PLD6: variants seen among roughly 807,000 people sequenced by gnomAD.
PLD6 encodes phospholipase D family member 6, also known as mitochondrial cardiolipin hydrolase.
In PLD6, 10 loss-of-function variants were observed where a neutral mutation model predicts 9.7. The observed-to-expected ratio is 1.03, with a 90% confidence interval of 0.64 to 1.75. The LOEUF (loss-of-function observed/expected upper bound fraction) is 1.75, where lower values mean the gene tolerates loss of function less well. Among genes scored for constraint, PLD6 ranks in the 40% most tolerant of loss-of-function variants. The probability of loss-of-function intolerance (pLI) is 0.00; values close to 1 mark genes in which losing one functional copy is unlikely to be tolerated. For synonymous variants in PLD6, 152 were observed against 159.2 expected (o/e 0.96, Z 0.34); for missense variants, 334 against 347.6 (o/e 0.96, Z 0.31).
Position 17,203,101 on chromosome 17 carries a change from G to A in PLD6, c.428-3C>T. 1 of 1,611,962 alleles carries A rather than the reference G, an allele frequency of 6.2e-7. No homozygotes were observed. Among genetic ancestry groups the A allele is most frequent in the Non-Finnish European group, 8.5e-7 (1 of 1,178,308 alleles). ...TTGATCGTGCCGGACCTGGATCCCT[G>A]CAGAAAGGACAAGGTGATTTCATTC... On this transcript the variant is annotated splice_polypyrimidine_tract_variant and splice_region_variant and intron_variant, in intron 1 of 1. Transcript: ENST00000321560.
intron 1 of PLD6, among the ~76,000 whole-genome samples, 197 bp downstream of exon 1, chr17:17,205,663 T>C (rs2046712323): frequency 6.6e-6 from 1 of 152,246 alleles, no homozygotes; most frequent in Admixed American, 6.5e-5. Context: ...GGCTCGCTTA[T>C]GCCCACGCAG....
intron 1 of PLD6, among the ~76,000 whole-genome samples, chr17:17,203,518 GC>G (rs1468735874): frequency 6.6e-6 from 1 of 152,234 alleles, no homozygotes; most frequent in Non-Finnish European, 1.5e-5. Context: ...GCCCAGAGAG[GC>G]CCCGGCGTCT....
chr17:17,203,291 G>A (rs2046690486), intron 1 of PLD6, among the ~76,000 whole-genome samples, 193 bp from the exon 2 acceptor site: 1 of 152,212 alleles, frequency 6.6e-6, no homozygotes, highest in Non-Finnish European at 1.5e-5. Context: ...ATCACACACA[G>A]GGCCAGAGCG....
chr17:17,203,609 C>T (rs1046730908), intron 1 of PLD6, among the ~76,000 whole-genome samples: 2 of 152,108 alleles, frequency 1.3e-5, no homozygotes, highest in African/African-American at 4.8e-5. Context: ...CAAATGAATT[C>T]TCCTCTTCCG....
chr17:17,206,033 C>T lies in PLD6; in HGVS notation c.254G>A (p.Arg85His). The part of the protein sequence containing the change: ...HGESALSRLL[R>H]ALLAARASLD... The stretch of plus-strand genomic sequence containing the variant: ...GCTGGCGCGGGCGGCCAGCAGGGCA[C>T]GCAGCAGGCGGCTTAGCGCGCTCTC... The change falls in exon 1 of 2, where the codon CGT (arginine) becomes CAT (histidine). Residue 85 changes from arginine to histidine, a missense_variant. Transcript: ENST00000321560. 1 of 1,537,708 alleles carries T rather than the reference C, an allele frequency of 6.5e-7. No homozygotes were observed. The highest frequency in any genetic ancestry group is 8.7e-7 in the Non-Finnish European group (1 of 1,146,118).
intron 1 of PLD6, 55 bp from the exon 2 acceptor site, chr17:17,203,153 G>A (rs1204230002): frequency 7.8e-6 from 12 of 1,537,090 alleles, no homozygotes; most frequent in Non-Finnish European, 6.2e-6. Flanking sequence ...CCCCAGTGTG[G>A]ACTGTTCCTG....
At chr17:17,203,199 T>C in intron 1 of PLD6, 101 bp from the exon 2 acceptor site, 1 of 1,277,998 alleles carries the variant, frequency 7.8e-7, no homozygotes. Flanking sequence ...TCCAGTTTGG[T>C]GGGCCAGGAA....
chr17:17,205,970 A>T lies in PLD6; in HGVS notation c.317T>A (p.Leu106Gln), dbSNP rs757092211. 1 of 1,555,942 alleles carries T rather than the reference A, an allele frequency of 6.4e-7. No homozygotes were observed. The highest frequency in any genetic ancestry group is 8.7e-7 in the Non-Finnish European group (1 of 1,151,778). ...LCLFAFSSPQ[L>Q]GRAVQLLHQR... is the part of the protein sequence containing the mutation. ...GTGCAGCAACTGCACGGCGCGGCCC[A>T]GCTGCGGGCTGGAGAAGGCGAACAG... The change falls in exon 1 of 2, where the codon CTG (leucine) becomes CAG (glutamine). Residue 106 changes from leucine to glutamine, a missense_variant. Transcript: ENST00000321560.
At position 17,202,448 on chromosome 17, in the gene PLD6, T is replaced by G; in HGVS notation, c.*319A>C. On this transcript the variant is annotated 3_prime_UTR_variant, in exon 2 of 2. Coordinates refer to ENST00000321560, the MANE Select transcript of PLD6 (RefSeq NM_178836.4). ...ACTTTTCTAGAATCAGGGAAGGGAA[T>G]GGGATCGACCTGGAAGAGGCACTGT... 3.3e-6 allele frequency: 1 copy of G among 300,354 alleles called. No individual in the cohort carries two copies. Among genetic ancestry groups the G allele is most frequent in the South Asian group, 4.5e-5 (1 of 22,016 alleles). The allele number at this position is 300,354 out of a possible 1,614,324, so 18.6% of individuals were successfully genotyped here.
chr17:17,202,450 G>T lies in PLD6; in HGVS notation c.*317C>A, dbSNP rs2046682589. On this transcript the variant is annotated 3_prime_UTR_variant, in exon 2 of 2. Transcript: ENST00000321560. ...TTTTCTAGAATCAGGGAAGGGAATG[G>T]GATCGACCTGGAAGAGGCACTGTGC... The T allele has an allele frequency of 6.5e-6, 2 of 309,740 alleles. No homozygotes were observed. Among genetic ancestry groups the T allele is most frequent in the South Asian group, 8.5e-5 (2 of 23,426 alleles). 19.2% of individuals were successfully genotyped at this position (309,740 alleles called of 1,614,324 possible).
At chr17:17,204,745 C>G (rs940008725) in intron 1 of PLD6, among the ~76,000 whole-genome samples, 1 of 152,196 alleles carries the variant, frequency 6.6e-6, no homozygotes, top group Non-Finnish European at 1.5e-5. Context: ...ATGACCAACA[C>G]ATGGGAGGAC....
chr17:17,204,614 A>T (rs2046701817), intron 1 of PLD6, among the ~76,000 whole-genome samples: 1 of 152,168 alleles, frequency 6.6e-6, no homozygotes, highest in South Asian at 2.1e-4. Flanking sequence ...AGGGGATCCG[A>T]TGGGACCTTG....
In PLD6 at chr17:17,203,056, T is replaced by C. The variant is rs752426772; in HGVS notation, c.470A>G (p.His157Arg). The part of the protein sequence containing the change: ...RHDQDPGYMH[H>R]KFAIVDKRVL... ...CCTCTTGTCCACGATGGCAAACTTG[T>C]GATGCATGTAGCCTGGGTCTTGATC... The change falls in exon 2 of 2, where the codon CAC becomes CGC. Residue 157 changes from histidine to arginine, a missense_variant. Physicochemically the swap from His to Arg is conservative, Grantham distance 29. Coordinates refer to ENST00000321560, the MANE Select transcript of PLD6 (RefSeq NM_178836.4). The C allele has an allele frequency of 6.2e-7, 1 of 1,614,212 alleles. No individual in the cohort carries two copies. The highest frequency in any genetic ancestry group is 8.5e-7 in the Non-Finnish European group (1 of 1,180,032).
chr17:17,206,178 G>A lies in PLD6; in HGVS notation c.109C>T (p.Pro37Ser). 3 of 1,508,132 alleles carry A rather than the reference G, an allele frequency of 2.0e-6. No homozygotes were observed. Among genetic ancestry groups the A allele is most frequent in the South Asian group, 2.5e-5 (2 of 81,336 alleles). The allele number at this position is 1,508,132 out of a possible 1,614,324, so 93.4% of individuals were successfully genotyped here. ...GGGAAGAACAGCGCCTCGCGCCGCG[G>A]CCGCCGCCGCCTGGACCGCAGCCAG... ...LRWLRSRRRR[P>S]RREALFFPSQ... Residue 37 changes from proline to serine, a missense_variant, in exon 1 of 2, where the codon CCG becomes TCG. Transcript: ENST00000321560.
chr17:17,205,819 G>T, intron 1 of PLD6, 41 bp downstream of exon 1: 1 of 1,542,926 alleles, frequency 6.5e-7, no homozygotes, highest in South Asian at 1.2e-5. Flanking sequence ...ACCCCGCGTG[G>T]GCCAAGCCGG....
intron 1 of PLD6, 97 bp from the exon 2 acceptor site, chr17:17,203,195 T>C (rs2046689757): frequency 3.3e-5 from 43 of 1,308,836 alleles, no homozygotes; most frequent in Non-Finnish European, 4.0e-5. Flanking sequence ...TGTTTCCAGT[T>C]TGGTGGGCCA....
Position 17,205,932 on chromosome 17 carries a change from G to A in PLD6, c.355C>T (p.Arg119Ter). The stretch of plus-strand genomic sequence containing the variant: ...TCGCAGTCGGTGACGACCCGCACTC[G>A]CACCCCACGCTGGTGCAGCAACTGC... ...AVQLLHQRGV[R>*]VRVVTDCDYM... is the part of the protein sequence containing the mutation. The change falls in exon 1 of 2, where the codon CGA (arginine) becomes TGA (stop). Residue 119 changes from arginine (R) to a stop codon, truncating the protein, a stop_gained. Transcript: ENST00000321560. LOFTEE classifies it high-confidence loss of function. The A allele has an allele frequency of 6.4e-7, 1 of 1,565,460 alleles. No homozygotes were observed. The highest frequency in any genetic ancestry group is 8.6e-7 in the Non-Finnish European group (1 of 1,156,092).
chr17:17,203,582 C>G (rs1040136204), intron 1 of PLD6, among the ~76,000 whole-genome samples: 54 of 89,794 alleles, frequency 6.0e-4, no homozygotes, highest in Non-Finnish European at 2.5e-4. Context: ...GCAGGAAGGG[C>G]CCTAACTAAC....
intron 1 of PLD6, among the ~76,000 whole-genome samples, chr17:17,203,715 C>T (rs1419314066): frequency 6.6e-6 from 1 of 152,194 alleles, no homozygotes; most frequent in Non-Finnish European, 1.5e-5. Flanking sequence ...GTCTGTCTCC[C>T]CTGGAATAAC....
Sources: allele counts gnomAD v4.1 joint callset (sites outside exome capture counted in the v4.1 genomes callset), GRCh38; gene constraint gnomAD v4.1.1; transcripts MANE v1.5; gene names NCBI Gene and HGNC (gene_info 2026-07-23, HGNC 2026-07-21).